HEATR5B: variants seen among roughly 807,000 people sequenced by gnomAD.
The protein encoded by HEATR5B is HEAT repeat containing 5B.
In HEATR5B, 156 loss-of-function variants were observed where a neutral mutation model predicts 224.1. That is an observed-to-expected ratio of 0.70 (90% confidence interval 0.61 to 0.80). The LOEUF (loss-of-function observed/expected upper bound fraction) is 0.80, where lower values mean the gene tolerates loss of function less well. Among genes scored for constraint, HEATR5B ranks in the 30% least tolerant of loss-of-function variants. The pLI, the probability that HEATR5B is intolerant of heterozygous loss-of-function variation, is 0.00. For missense variants in HEATR5B, 2,323 were observed against 2,535.5 expected, an observed-to-expected ratio of 0.92 and a Z score of 1.80; for synonymous variants, 1,027 against 893.0, an observed-to-expected ratio of 1.15 and a Z score of -2.68.
chr2:37,034,557 G>A (rs1183368755), intron 21 of HEATR5B, among the ~76,000 whole-genome samples: 2 of 136,564 alleles, frequency 1.5e-5, no homozygotes, highest in Admixed American at 7.5e-5. Context: ...AGCTTGCAGT[G>A]AGCCGAGATC....
chr2:37,015,299 C>G (rs1177296406), intron 26 of HEATR5B, among the ~76,000 whole-genome samples: 1 of 152,120 alleles, frequency 6.6e-6, no homozygotes, highest in Non-Finnish European at 1.5e-5. Flanking sequence ...TTTCCATGGC[C>G]TCTGGACAGG....
In HEATR5B at chr2:37,059,438, GTGTGTGTGTATATA is replaced by G. The variant is rs1671123723; in HGVS notation, c.1850-465_1850-452del. The stretch of plus-strand genomic sequence containing the variant: ...TGTGTGTGTGTGTGTGTGTGTGTGT[GTGTGTGTGTATATA>G]TATATATATATATTTTTTTTTTTTT... On this transcript the variant is annotated intron_variant, in intron 12 of 35. Coordinates refer to ENST00000233099, the MANE Select transcript of HEATR5B (RefSeq NM_019024.3). Among the ~76,000 whole-genome samples the G allele has an allele frequency of 2.4e-5, 2 of 82,498 alleles. 1 individual carries two copies. The highest frequency in any genetic ancestry group is 1.1e-3 in the South Asian group (2 of 1,904). The allele number at this position is 82,498 out of a possible 152,430, so 54.1% of individuals were successfully genotyped here.
At chr2:36,990,580 G>C (rs1666260951) in intron 34 of HEATR5B, 68 bp downstream of exon 34, 2 of 1,338,210 alleles carry the variant, frequency 1.5e-6, no homozygotes, top group African/African-American at 1.5e-5. Context: ...ATATTTTAAT[G>C]AATCAATCTG....
intron 21 of HEATR5B, 68 bp from the exon 22 acceptor site, chr2:37,032,841 A>C: frequency 7.5e-7 from 1 of 1,335,504 alleles, no homozygotes; most frequent in African/African-American, 1.5e-5. Context: ...TTATTTGCCC[A>C]ATGAATATAT....
At chr2:37,071,412 G>A (rs186399409) in intron 6 of HEATR5B, among the ~76,000 whole-genome samples, 3 of 152,258 alleles carry the variant, frequency 2.0e-5, no homozygotes, top group African/African-American at 4.8e-5. Flanking sequence ...ACTCAGTGCT[G>A]CCTCTGATTC....
At chr2:37,026,485 G>A (rs1014483650) in intron 24 of HEATR5B, among the ~76,000 whole-genome samples, 1 of 152,052 alleles carries the variant, frequency 6.6e-6, no homozygotes, top group Admixed American at 6.6e-5. Context: ...CTTCTGTGAC[G>A]TCTTCCCTGG....
At chr2:37,060,517 T>C (rs967730651) in intron 12 of HEATR5B, 64 bp downstream of exon 12, 4 of 1,365,026 alleles carry the variant, frequency 2.9e-6, no homozygotes, top group Non-Finnish European at 3.9e-6. Context: ...GTGATTTTTC[T>C]TTTACTTTAC....
chr2:37,052,333 T>C (rs1334519327), intron 17 of HEATR5B, among the ~76,000 whole-genome samples: 1 of 152,114 alleles, frequency 6.6e-6, no homozygotes, highest in Non-Finnish European at 1.5e-5. Context: ...ACCATGGGAT[T>C]AGGAACCTGA....
chr2:37,072,819 T>G (rs148825851), intron 5 of HEATR5B, among the ~76,000 whole-genome samples: 25 of 151,964 alleles, frequency 1.6e-4, no homozygotes, highest in African/African-American at 5.8e-4. Flanking sequence ...CACTACAGAT[T>G]CAACATGTTT....
At chr2:37,042,292 C>T (rs1232237759) in intron 18 of HEATR5B, among the ~76,000 whole-genome samples, 1 of 152,124 alleles carries the variant, frequency 6.6e-6, no homozygotes, top group African/African-American at 2.4e-5. Context: ...ATGGAAACTA[C>T]ACATTATGCA....
intron 21 of HEATR5B, among the ~76,000 whole-genome samples, chr2:37,037,258 G>T (rs1298172435): frequency 6.7e-6 from 1 of 150,204 alleles, no homozygotes; most frequent in Non-Finnish European, 1.5e-5. Flanking sequence ...CGATTCTCCT[G>T]CCTCAGCCTC....
chr2:37,032,884 GTTTT>G (rs5830450), intron 21 of HEATR5B, 111 bp from the exon 22 acceptor site: 3 of 702,388 alleles, frequency 4.3e-6, no homozygotes, highest in Non-Finnish European at 6.2e-6. Context: ...GTTTTGTTTT[GTTTT>G]TTTTTTTTTG....
rs559739332 is a variant in HEATR5B, at chr2:37,081,920, A to G, written c.126+1369T>C. On this transcript the variant is annotated intron_variant, in intron 2 of 35. Coordinates refer to ENST00000233099, the MANE Select transcript of HEATR5B (RefSeq NM_019024.3). ...TAGCCTACAGAAACCTAAAATACTA[A>G]GGTCAGGGACCAAACTAGCCTACAG... 3.9e-4 allele frequency among the ~76,000 whole-genome samples: 60 copies of G among 152,240 alleles called. 1 individual carries two copies. The highest frequency in any genetic ancestry group is 3.3e-3 in the Admixed American group (50 of 15,296).
rs373084892 is a variant in HEATR5B, at chr2:37,041,205, T to G, written c.2784A>C (p.Ser928=). The change falls in exon 19 of 36, where the codon TCA becomes TCC. Residue 928 remains serine (S), a synonymous_variant. Transcript: ENST00000233099. ...TGACACTGGTCTTCAGATGTTGTCCTGAGCCTATTCCACCAACATAACGAT... is the reference window on the plus strand; with the variant it reads ...TGACACTGGTCTTCAGATGTTGTCCGGAGCCTATTCCACCAACATAACGAT... ...CLHRYVGGIG[S]GQHLKTSVSI... is the part of the protein sequence containing the mutation. 6.2e-7 allele frequency: 1 copy of G among 1,614,086 alleles called. No homozygotes were observed. Among genetic ancestry groups the G allele is most frequent in the Non-Finnish European group, 8.5e-7 (1 of 1,179,914 alleles).
At chr2:37,063,127 T>C (rs773587509) in intron 10 of HEATR5B, among the ~76,000 whole-genome samples, 2 of 152,124 alleles carry the variant, frequency 1.3e-5, no homozygotes, top group African/African-American at 4.8e-5. Flanking sequence ...AGATGCATAA[T>C]AGGAGTTCAA....
intron 31 of HEATR5B, among the ~76,000 whole-genome samples, chr2:37,003,262 A>C (rs13022321): frequency 9.8e-5 from 3 of 30,752 alleles, no homozygotes; most frequent in Admixed American, 4.9e-4. Flanking sequence ...CCCGCCCGCA[A>C]AAAAAAAAAA....
rs2148547237 is a variant in HEATR5B, at chr2:37,057,335, A to G, written c.2205T>C (p.His735=). Residue 735 remains histidine, a synonymous_variant, in exon 15 of 36, where the codon CAT becomes CAC. Coordinates refer to ENST00000233099, the MANE Select transcript of HEATR5B (RefSeq NM_019024.3). ...LLGSWLQETD[H]KSIEDQLQPN... ...TTATTACCTGGTCTTCAATTGATTT[A>G]TGATCAGTTTCCTGAAGCCAAGAAC... is the stretch of plus-strand genomic sequence containing the variant. The G allele has an allele frequency of 6.2e-7, 1 of 1,604,838 alleles. No homozygotes were observed. Among genetic ancestry groups the G allele is most frequent in the Non-Finnish European group, 8.5e-7 (1 of 1,177,178 alleles).
intron 34 of HEATR5B, 103 bp from the exon 35 acceptor site, chr2:36,988,962 G>T: frequency 1.3e-6 from 1 of 774,088 alleles, no homozygotes; most frequent in Non-Finnish European, 2.1e-6. Flanking sequence ...GATACTGCAG[G>T]ACAAAAATGG....
intron 3 of HEATR5B, among the ~76,000 whole-genome samples, chr2:37,078,256 A>G (rs1227189105): frequency 2.6e-5 from 4 of 152,268 alleles, no homozygotes; most frequent in Non-Finnish European, 5.9e-5. Context: ...AACACATAAT[A>G]AACAGTAGAA....
Sources: gnomAD v4.1 joint callset for allele counts (sites outside exome capture counted in the v4.1 genomes callset) on GRCh38, gnomAD v4.1.1 for gene constraint, MANE v1.5 for transcripts, NCBI Gene and HGNC (gene_info 2026-07-23, HGNC 2026-07-21) for gene names.